Variants in MICAL2 observed in about 807,000 individuals in gnomAD.
MICAL2 encodes [F-actin]-monooxygenase MICAL2.
In MICAL2, 77 loss-of-function variants were observed where a neutral mutation model predicts 127.3. The ratio of observed to expected loss-of-function variants is 0.60; its 90% CI spans 0.50 to 0.73. The LOEUF (loss-of-function observed/expected upper bound fraction) is 0.73. Ranked by LOEUF, MICAL2 falls within the 30% of genes least tolerant of loss-of-function variation. MICAL2 has a pLI of 0.00. For synonymous variants in MICAL2, 570 were observed against 551.1 expected (o/e 1.03, Z -0.48); for missense variants, 1,351 against 1,434.4 (o/e 0.94, Z 0.94).
intron 22 of MICAL2, among the ~76,000 whole-genome samples, chr11:12,252,025 C>T (rs1292026505): frequency 6.6e-6 from 1 of 152,190 alleles, no homozygotes; most frequent in Admixed American, 6.5e-5. Context: ...AGCCCGTTCA[C>T]ACACTGTGCC....
At chr11:12,278,688 G>A (rs142407307) in intron 1 of MICAL2, among the ~76,000 whole-genome samples, 6 of 152,304 alleles carry the variant, frequency 3.9e-5, no homozygotes, top group East Asian at 1.9e-4. Context: ...CCTGCAGCTC[G>A]GGGTCAGGAT....
intron 29 of MICAL2, among the ~76,000 whole-genome samples, chr11:12,302,424 A>G (rs1326578289): frequency 6.6e-6 from 1 of 152,152 alleles, no homozygotes; most frequent in African/African-American, 2.4e-5. Flanking sequence ...CCAACACTTG[A>G]TAGTCTCAGC....
At chr11:12,361,760 C>A (rs1939208665), downstream of MICAL2, among the ~76,000 whole-genome samples, 1 of 152,194 alleles carries the variant, frequency 6.6e-6, no homozygotes, top group African/African-American at 2.4e-5. Flanking sequence ...TCTCTCTTCC[C>A]AGGAAGCAGA....
chr11:12,257,776 C>T (rs1032828845), intron 24 of MICAL2, among the ~76,000 whole-genome samples: 7 of 152,176 alleles, frequency 4.6e-5, no homozygotes, highest in Non-Finnish European at 1.0e-4. Flanking sequence ...ATGTAAGTGT[C>T]CCCTACTGTT....
At chr11:12,137,283 A>C (rs1851921984) in intron 1 of MICAL2, among the ~76,000 whole-genome samples, 1 of 23,228 alleles carries the variant, frequency 4.3e-5, no homozygotes, top group African/African-American at 6.3e-5. Flanking sequence ...GTGTGGGCCC[A>C]CCAGGACTAA....
chr11:12,271,082 T>C (rs141478166), upstream of MICAL2, among the ~76,000 whole-genome samples: 38 of 152,302 alleles, frequency 2.5e-4, no homozygotes, highest in Non-Finnish European at 4.9e-4. Flanking sequence ...TAGGTAGGCC[T>C]TGGACCCGGC....
At chr11:12,185,257 AT>A (rs2133979252) in intron 3 of MICAL2, among the ~76,000 whole-genome samples, 1 of 150,306 alleles carries the variant, frequency 6.7e-6, no homozygotes, top group East Asian at 2.0e-4. Flanking sequence ...GGGTGGATGA[AT>A]GGGTGGAGTC....
At chr11:12,223,909 T>A (rs1200379021) in intron 12 of MICAL2, among the ~76,000 whole-genome samples, 1 of 152,106 alleles carries the variant, frequency 6.6e-6, no homozygotes, top group African/African-American at 2.4e-5. Context: ...GGACCAGTGC[T>A]CAACACAGGG....
At chr11:12,286,349 G>A (rs1565293560) in intron 2 of MICAL2, among the ~76,000 whole-genome samples, 2 of 152,148 alleles carry the variant, frequency 1.3e-5, no homozygotes, top group Non-Finnish European at 2.9e-5. Context: ...AGTTTTTAAT[G>A]TATTACATAT....
chr11:12,349,897 A>G, exon 33 of MICAL2: 3 of 1,614,134 alleles, frequency 1.9e-6, no homozygotes, highest in African/African-American at 2.7e-5. Flanking sequence ...GGTTCTGGAG[A>G]AGAATAAATT....
At chr11:12,267,161 A>G (rs967139183), downstream of MICAL2, among the ~76,000 whole-genome samples, 1 of 151,766 alleles carries the variant, frequency 6.6e-6, no homozygotes, top group Non-Finnish European at 1.5e-5. Context: ...CCCTCCCACC[A>G]CCTGCCGGTG....
chr11:12,236,501 C>T (rs1859081971), intron 16 of MICAL2, among the ~76,000 whole-genome samples: 2 of 152,200 alleles, frequency 1.3e-5, no homozygotes, highest in Non-Finnish European at 2.9e-5. Flanking sequence ...ACTTGAAATA[C>T]ATGAAACTTG....
intron 2 of MICAL2, chr11:12,281,239 G>A (rs1863767457): frequency 5.0e-6 from 2 of 396,712 alleles, no homozygotes; most frequent in Admixed American, 4.4e-5. Flanking sequence ...AGGACCTTTG[G>A]GGAGTGGGAC....
chr11:12,346,732 G>C (rs1760910179), intron 32 of MICAL2, among the ~76,000 whole-genome samples: 1 of 152,142 alleles, frequency 6.6e-6, no homozygotes. Flanking sequence ...TGGACCATGA[G>C]CTCCCAGTTA....
At chr11:12,331,692 T>C (rs1472598107) in intron 32 of MICAL2, among the ~76,000 whole-genome samples, 1 of 152,160 alleles carries the variant, frequency 6.6e-6, no homozygotes, top group Non-Finnish European at 1.5e-5. Context: ...TATACAATTA[T>C]TTACTTTTCT....
At chr11:12,136,845 A>C (rs1851879561) in intron 1 of MICAL2, among the ~76,000 whole-genome samples, 1 of 152,138 alleles carries the variant, frequency 6.6e-6, no homozygotes, top group South Asian at 2.1e-4. Context: ...CCATGAAGAC[A>C]GCCTAAGCTG....
intron 3 of MICAL2, among the ~76,000 whole-genome samples, chr11:12,170,543 T>C (rs1003296461): frequency 6.6e-6 from 1 of 152,258 alleles, no homozygotes; most frequent in Non-Finnish European, 1.5e-5. Flanking sequence ...AATGCACTTA[T>C]ATTTCTCTTG....
chr11:12,157,182 C>T (rs1854280570), intron 2 of MICAL2, among the ~76,000 whole-genome samples: 1 of 152,180 alleles, frequency 6.6e-6, no homozygotes, highest in South Asian at 2.1e-4. Context: ...ACCCTGGTTG[C>T]ACTGTCTGAT....
intron 21 of MICAL2, among the ~76,000 whole-genome samples, chr11:12,246,738 C>T (rs1860808940): frequency 6.6e-6 from 1 of 152,114 alleles, no homozygotes; most frequent in African/African-American, 2.4e-5. Flanking sequence ...CCCTGAGTAC[C>T]TGGGACTATA....
Sources: gnomAD v4.1 joint callset for allele counts (sites outside exome capture counted in the v4.1 genomes callset) on GRCh38, gnomAD v4.1.1 for gene constraint, MANE v1.5 for transcripts, NCBI Gene and HGNC (gene_info 2026-07-23, HGNC 2026-07-21) for gene names.